TPRG1: variants seen among roughly 807,000 people sequenced by gnomAD.
TPRG1 encodes tumor protein p63 regulated 1.
Under a neutral mutation model 29.3 loss-of-function variants are expected in TPRG1, and 29 were observed. The ratio of observed to expected loss-of-function variants is 0.99; its 90% CI spans 0.74 to 1.35. The LOEUF is 1.35. Ranked by LOEUF, TPRG1 falls within the 40% of genes most tolerant of loss-of-function variation. The pLI, the probability that TPRG1 is intolerant of heterozygous loss-of-function variation, is 0.00. For synonymous variants in TPRG1, 130 were observed against 116.8 expected (o/e 1.11, Z -0.73); for missense variants, 327 against 335.0 (o/e 0.98, Z 0.19).
chr3:189,274,858 C>CTT (rs905253911), intron 4 of TPRG1, among the ~76,000 whole-genome samples: 1 of 148,706 alleles, frequency 6.7e-6, no homozygotes, highest in East Asian at 2.0e-4. Context: ...TTGACCTGTG[C>CTT]TTTTTTTTTC....
At chr3:189,269,013 A>T (rs1714618516) in intron 4 of TPRG1, among the ~76,000 whole-genome samples, 1 of 152,136 alleles carries the variant, frequency 6.6e-6, no homozygotes, top group Non-Finnish European at 1.5e-5. Context: ...AGAAAATGGG[A>T]TATTAAGACT....
intron 4 of TPRG1, chr3:189,240,494 T>TA (rs1328302408): frequency 4.2e-4 from 64 of 152,838 alleles, no homozygotes; most frequent in Admixed American, 6.5e-4. Context: ...TTATTGGACT[T>TA]ACAGTTCCAC....
chr3:189,179,755 G>A (rs985640239), intron 1 of TPRG1, among the ~76,000 whole-genome samples: 4 of 152,162 alleles, frequency 2.6e-5, no homozygotes, highest in African/African-American at 9.7e-5. Context: ...ATTAAATGTA[G>A]CACTCTTTTA....
chr3:189,052,745 T>C (rs1715406947), intron 4 of TPRG1, among the ~76,000 whole-genome samples: 1 of 152,140 alleles, frequency 6.6e-6, no homozygotes, highest in Admixed American at 6.6e-5. Flanking sequence ...ATATATATGC[T>C]ATGCAGCCAT....
At chr3:189,283,858 A>G (rs772486155) in intron 4 of TPRG1, among the ~76,000 whole-genome samples, 5 of 152,238 alleles carry the variant, frequency 3.3e-5, no homozygotes, top group Admixed American at 1.3e-4. Context: ...GCAGAGCTCT[A>G]GAGTCCAAAC....
rs1305173681 is a variant in TPRG1 at position 189,061,357 on chromosome 3, A to G, written c.-463+37411A>G. Among the ~76,000 whole-genome samples the G allele has an allele frequency of 2.0e-5, 3 of 152,220 alleles. No individual in the cohort carries two copies. The East Asian group carries it at 5.8e-4, about 29-fold the overall frequency. ...AAAACACCCCTAGACAAACTGGGCA[A>G]TATCATTCTAGACATAGGAATAGGC... is the stretch of plus-strand genomic sequence containing the variant. On this transcript the variant is annotated intron_variant, in intron 4 of 10. Transcript: ENST00000433971.
chr3:189,312,173 CTTTCTTTCTTTT>C (rs879887511), intron 5 of TPRG1, among the ~76,000 whole-genome samples: 1,060 of 63,184 alleles, frequency 0.017, 56 homozygotes, highest in African/African-American at 0.042. Context: ...TTCTTTCTTT[CTTTCTTTCTTTT>C]TTTCTTTCTT....
At chr3:189,196,500 A>C (rs945857060) in intron 1 of TPRG1, among the ~76,000 whole-genome samples, 4 of 152,158 alleles carry the variant, frequency 2.6e-5, no homozygotes, top group African/African-American at 9.7e-5. Flanking sequence ...GAAGCAAGAC[A>C]CATCTTACAT....
At position 189,320,725 on chromosome 3, in the gene TPRG1, C is replaced by A; in HGVS notation, c.733C>A (p.Pro245Thr). ...AAAGAAACTGATGGTGTTAACTGAACCCATTTTGATTGAGACCTACACAGG... is the reference window on the plus strand; with the variant it reads ...AAAGAAACTGATGGTGTTAACTGAAACCATTTTGATTGAGACCTACACAGG... Reference protein sequence around the residue: ...RGKKLMVLTEPILIETYTGLM... With the variant: ...RGKKLMVLTETILIETYTGLM... The change falls in exon 6 of 6, where the codon CCC becomes ACC. Residue 245 changes from proline (P) to threonine (T), a missense_variant. By Grantham distance (38) the Pro-to-Thr change is conservative. Transcript: ENST00000345063. The A allele has an allele frequency of 6.2e-7, 1 of 1,604,048 alleles. No homozygotes were observed. The highest frequency in any genetic ancestry group is 1.4e-5 in the African/African-American group (1 of 73,688).
chr3:189,099,195 C>T (rs575162810), upstream of TPRG1, among the ~76,000 whole-genome samples: 10 of 152,306 alleles, frequency 6.6e-5, no homozygotes, highest in East Asian at 1.9e-3. Context: ...CCCACCATGG[C>T]TAGCTTTGGC....
intron 3 of TPRG1, among the ~76,000 whole-genome samples, chr3:189,021,417 G>A (rs1474800127): frequency 6.6e-6 from 1 of 151,820 alleles, no homozygotes; most frequent in Non-Finnish European, 1.5e-5. Context: ...GCTCTTTTAG[G>A]GCAGGCCTGG....
intron 4 of TPRG1, among the ~76,000 whole-genome samples, chr3:189,271,334 C>T (rs1347989484): frequency 6.6e-6 from 1 of 152,182 alleles, no homozygotes; most frequent in Non-Finnish European, 1.5e-5. Context: ...CTTTGTCTGT[C>T]AGCACTAGTT....
At chr3:189,008,982 G>A (rs781105068) in intron 3 of TPRG1, among the ~76,000 whole-genome samples, 8 of 152,056 alleles carry the variant, frequency 5.3e-5, no homozygotes, top group Non-Finnish European at 7.4e-5. Flanking sequence ...TGAGTGGGTC[G>A]GCAAAGGTGA....
intron 4 of TPRG1, among the ~76,000 whole-genome samples, chr3:189,267,380 G>T (rs1010923655): frequency 1.1e-4 from 16 of 152,164 alleles, no homozygotes; most frequent in Middle Eastern, 3.2e-3. Context: ...CCCTCAAATA[G>T]CTTGAGATCT....
At chr3:189,110,511 T>C (rs1438115223) in intron 1 of TPRG1, among the ~76,000 whole-genome samples, 1 of 152,156 alleles carries the variant, frequency 6.6e-6, no homozygotes, top group Non-Finnish European at 1.5e-5. Context: ...TTCCTACTGG[T>C]ATCTTTTGAA....
chr3:189,259,823 T>C (rs997522504), intron 4 of TPRG1, among the ~76,000 whole-genome samples: 1 of 152,036 alleles, frequency 6.6e-6, no homozygotes, highest in Non-Finnish European at 1.5e-5. Flanking sequence ...CAATTCTGAG[T>C]GGTTGAGTGA....
At chr3:189,096,155 A>G (rs964472018), upstream of TPRG1, among the ~76,000 whole-genome samples, 6 of 152,322 alleles carry the variant, frequency 3.9e-5, no homozygotes, top group East Asian at 9.7e-4. Flanking sequence ...TCTGCATACC[A>G]CACCTCAGTT....
intron 4 of TPRG1, among the ~76,000 whole-genome samples, chr3:189,252,024 C>A (rs1041545280): frequency 1.3e-5 from 2 of 152,164 alleles, no homozygotes; most frequent in African/African-American, 4.8e-5. Context: ...CTTTCCTAGG[C>A]AGAGGTCCCT....
At chr3:189,243,964 T>A (rs570706925) in intron 4 of TPRG1, among the ~76,000 whole-genome samples, 2 of 152,316 alleles carry the variant, frequency 1.3e-5, no homozygotes, top group South Asian at 4.1e-4. Context: ...CATCCTCCTG[T>A]CTTCTTCTGA....
Sources: allele counts gnomAD v4.1 joint callset (sites outside exome capture counted in the v4.1 genomes callset), GRCh38; gene constraint gnomAD v4.1.1; transcripts MANE v1.5; gene names NCBI Gene and HGNC (gene_info 2026-07-23, HGNC 2026-07-21).